The following MED12L variants were observed in gnomAD, a reference collection of about 807,000 sequenced individuals.
The protein encoded by MED12L is mediator complex subunit 12L.
In MED12L, 60 loss-of-function variants were observed where a neutral mutation model predicts 281.3. The ratio of observed to expected loss-of-function variants is 0.21; its 90% confidence interval spans 0.17 to 0.26. MED12L has a LOEUF of 0.26. Among genes scored for constraint, MED12L ranks in the 10% least tolerant of loss-of-function variants. The probability of loss-of-function intolerance (pLI) is 1.00; values close to 1 mark genes in which losing one functional copy is unlikely to be tolerated. For synonymous variants in MED12L, 974 were observed against 987.2 expected (o/e 0.99, Z 0.25); for missense variants, 2,146 against 2,680.9 (o/e 0.80, Z 4.41).
At chr3:151,098,293 GC>G (rs1346157794) in intron 2 of MED12L, among the ~76,000 whole-genome samples, 1 of 152,216 alleles carries the variant, frequency 6.6e-6, no homozygotes. Context: ...CAGAAGGATT[GC>G]CTAGCTAGGT....
intron 12 of MED12L, among the ~76,000 whole-genome samples, chr3:151,186,859 C>G (rs750649290): frequency 2.0e-5 from 3 of 152,214 alleles, no homozygotes; most frequent in Non-Finnish European, 4.4e-5. Flanking sequence ...GCAGAAAGCT[C>G]ACTCATCTTG....
chr3:151,323,481 C>G (rs1227713744), intron 16 of MED12L, among the ~76,000 whole-genome samples: 1 of 152,186 alleles, frequency 6.6e-6, no homozygotes, highest in African/African-American at 2.4e-5. Flanking sequence ...GTGCTGTAGG[C>G]TCAGGCCCCC....
At chr3:151,158,597 T>C in intron 6 of MED12L, 92 bp from the exon 7 acceptor site, 1 of 730,936 alleles carries the variant, frequency 1.4e-6, no homozygotes, top group Non-Finnish European at 2.3e-6. Flanking sequence ...ACAAAAACAG[T>C]AGTACAGTTA....
At chr3:151,256,942 A>G (rs1179130409) in intron 16 of MED12L, among the ~76,000 whole-genome samples, 1 of 151,810 alleles carries the variant, frequency 6.6e-6, no homozygotes, top group Admixed American at 6.6e-5. Flanking sequence ...CAAATCAAAT[A>G]TCACTTATCA....
intron 16 of MED12L, among the ~76,000 whole-genome samples, chr3:151,257,977 G>T (rs903248084): frequency 2.6e-5 from 4 of 152,238 alleles, no homozygotes; most frequent in Admixed American, 1.3e-4. Flanking sequence ...GATAACATAA[G>T]AAACAATTTG....
At chr3:151,191,045 G>T (rs1723909114) in intron 14 of MED12L, 114 bp downstream of exon 14, 3 of 890,164 alleles carry the variant, frequency 3.4e-6, no homozygotes, top group Non-Finnish European at 5.1e-6. Context: ...GTATTCTTTT[G>T]CCCCAGTGGT....
chr3:151,115,889 C>T (rs1216409961), intron 2 of MED12L, among the ~76,000 whole-genome samples: 2 of 151,478 alleles, frequency 1.3e-5, no homozygotes, highest in Non-Finnish European at 2.9e-5. Context: ...GAAACCCCAT[C>T]TCTACTAAAA....
chr3:151,368,737 T>TCATTTCATTTCATG (rs1560087994), intron 25 of MED12L, among the ~76,000 whole-genome samples: 1 of 77,158 alleles, frequency 1.3e-5, no homozygotes, highest in Non-Finnish European at 2.7e-5. Flanking sequence ...TTCATTTCAT[T>TCATTTCATTTCATG]TCATTTCATT....
At chr3:151,340,491 A>C (rs1219286753) in intron 16 of MED12L, 1 of 152,622 alleles carries the variant, frequency 6.6e-6, no homozygotes, top group East Asian at 1.9e-4. Context: ...GCTTGCATTG[A>C]TAGTTATTAA....
intron 16 of MED12L, chr3:151,294,230 C>A: frequency 1.2e-6 from 2 of 1,613,688 alleles, no homozygotes; most frequent in Non-Finnish European, 1.7e-6. Flanking sequence ...TTGCAGTGAT[C>A]TGATGCTTTC....
At chr3:151,201,227 T>A (rs867196604) in intron 16 of MED12L, among the ~76,000 whole-genome samples, 5,799 of 149,670 alleles carry the variant, frequency 0.039, 355 homozygotes, top group African/African-American at 0.14. Flanking sequence ...GCACACACTC[T>A]CTCTCTCTCT....
At chr3:151,154,467 A>G (rs921329054) in intron 5 of MED12L, among the ~76,000 whole-genome samples, 1 of 152,198 alleles carries the variant, frequency 6.6e-6, no homozygotes, top group African/African-American at 2.4e-5. Context: ...TCATGTCTGC[A>G]GTATAAATTT....
At chr3:151,410,470 A>G (rs890480489) in intron 40 of MED12L, among the ~76,000 whole-genome samples, 1 of 152,232 alleles carries the variant, frequency 6.6e-6, no homozygotes, top group African/African-American at 2.4e-5. Context: ...AGTCAGAGGC[A>G]TTAAACTACC....
chr3:151,168,609 C>T (rs1339218682), intron 11 of MED12L, among the ~76,000 whole-genome samples: 3 of 152,190 alleles, frequency 2.0e-5, no homozygotes, highest in Non-Finnish European at 4.4e-5. Flanking sequence ...ATGAAAACTA[C>T]GTTTTCAACC....
chr3:151,165,559 G>A (rs1464410954), intron 10 of MED12L, 40 bp downstream of exon 10: 1 of 1,516,458 alleles, frequency 6.6e-7, no homozygotes, highest in South Asian at 1.1e-5. Flanking sequence ...TTTGAATGTT[G>A]GACTTTATGC....
chr3:151,143,056 T>C (rs1421576011), intron 5 of MED12L, among the ~76,000 whole-genome samples: 1 of 152,196 alleles, frequency 6.6e-6, no homozygotes, highest in Non-Finnish European at 1.5e-5. Flanking sequence ...TTTAATTAAA[T>C]GAACATAACA....
At chr3:151,099,654 T>A (rs1241147516) in intron 2 of MED12L, among the ~76,000 whole-genome samples, 5 of 152,170 alleles carry the variant, frequency 3.3e-5, no homozygotes, top group Non-Finnish European at 7.4e-5. Context: ...TCTCGAGAGC[T>A]CCAGAGGTAT....
At chr3:151,175,169 T>G (rs1206104497) in intron 11 of MED12L, among the ~76,000 whole-genome samples, 1 of 152,244 alleles carries the variant, frequency 6.6e-6, no homozygotes, top group East Asian at 1.9e-4. Context: ...CTTCTGTGAC[T>G]TGCAGTTCAT....
intron 16 of MED12L, among the ~76,000 whole-genome samples, chr3:151,225,670 C>T (rs1255789469): frequency 6.6e-6 from 1 of 152,196 alleles, no homozygotes; most frequent in East Asian, 1.9e-4. Context: ...TCCTGTGGCA[C>T]TCTTGTCCGT....
Sources: gnomAD v4.1 joint callset for allele counts (sites outside exome capture counted in the v4.1 genomes callset) on GRCh38, gnomAD v4.1.1 for gene constraint, MANE v1.5 for transcripts, NCBI Gene and HGNC (gene_info 2026-07-23, HGNC 2026-07-21) for gene names.